The following GRIK2 variants were observed in gnomAD, a reference collection of about 807,000 sequenced individuals.
GRIK2 encodes the protein glutamate ionotropic receptor kainate type subunit 2.
In GRIK2, 32 loss-of-function variants were observed where a neutral mutation model predicts 100.3. The ratio of observed to expected loss-of-function variants is 0.32; its 90% CI spans 0.24 to 0.43. The LOEUF (loss-of-function observed/expected upper bound fraction) is 0.43, where lower values mean the gene tolerates loss of function less well. GRIK2 is among the 20% of genes least tolerant of loss of function. The pLI is 1.00. For missense variants in GRIK2, 843 were observed against 1,114.9 expected, an observed-to-expected ratio of 0.76 and a Z score of 3.47; for synonymous variants, 417 against 389.4, an observed-to-expected ratio of 1.07 and a Z score of -0.83.
intron 14 of GRIK2, among the ~76,000 whole-genome samples, chr6:101,954,593 C>T (rs1025100923): frequency 3.3e-5 from 5 of 151,938 alleles, no homozygotes; most frequent in African/African-American, 9.7e-5. Context: ...TCTATTAATT[C>T]TCAAAGTGTT....
rs941533473 is a variant in GRIK2, at chr6:102,068,943, TAC to T, written c.*434_*435del. 6 of 160,326 alleles carry T rather than the reference TAC, an allele frequency of 3.7e-5. No homozygotes were observed. The highest frequency in any genetic ancestry group is 1.2e-4 in the African/African-American group (5 of 41,610). 9.9% of individuals were successfully genotyped at this position (160,326 alleles called of 1,614,324 possible). Reference sequence around the variant, plus strand: ...AAAACTGTAGTGTTACAGGAAACAGTACAGTCTTCTGAACACCCAGATCATAG... The same window carrying T: ...AAAACTGTAGTGTTACAGGAAACAGTAGTCTTCTGAACACCCAGATCATAG... On this transcript the variant is annotated 3_prime_UTR_variant, in exon 17 of 17. Coordinates refer to ENST00000369134, the MANE Select transcript of GRIK2 (RefSeq NM_021956.5).
intron 16 of GRIK2, among the ~76,000 whole-genome samples, chr6:102,059,721 C>T (rs1771651302): frequency 6.6e-6 from 1 of 150,672 alleles, no homozygotes; most frequent in South Asian, 2.1e-4. Flanking sequence ...TAAATATTTG[C>T]ATATGTCTAC....
chr6:101,969,181 GGT>G (rs1021420140), intron 14 of GRIK2, among the ~76,000 whole-genome samples: 2 of 151,842 alleles, frequency 1.3e-5, no homozygotes, highest in African/African-American at 4.8e-5. Context: ...AGAGGAGTTG[GGT>G]TGTGTATTTT....
intron 2 of GRIK2, among the ~76,000 whole-genome samples, chr6:101,612,385 CAAAT>C (rs538638885): frequency 1.8e-4 from 28 of 151,868 alleles, no homozygotes; most frequent in Admixed American, 5.3e-4. Flanking sequence ...AAACGTGAGT[CAAAT>C]AAACTTTTTG....
chr6:101,952,408 G>T (rs1562507441), intron 14 of GRIK2, among the ~76,000 whole-genome samples: 1 of 152,108 alleles, frequency 6.6e-6, no homozygotes, highest in Non-Finnish European at 1.5e-5. Context: ...GGTTTTGTGT[G>T]AACATTAGCT....
chr6:101,515,694 G>T (rs1391985671), intron 2 of GRIK2, among the ~76,000 whole-genome samples: 1 of 151,992 alleles, frequency 6.6e-6, no homozygotes, highest in African/African-American at 2.4e-5. Context: ...TCATATGTTT[G>T]TTGGCCATTT....
At chr6:101,766,428 A>C (rs1373636874) in intron 7 of GRIK2, among the ~76,000 whole-genome samples, 1 of 152,168 alleles carries the variant, frequency 6.6e-6, no homozygotes, top group African/African-American at 2.4e-5. Flanking sequence ...GCATTAAAGT[A>C]ATGTTTGATA....
chr6:101,598,162 T>C (rs1426242526), intron 2 of GRIK2, among the ~76,000 whole-genome samples: 1 of 151,740 alleles, frequency 6.6e-6, no homozygotes, highest in Non-Finnish European at 1.5e-5. Flanking sequence ...TCCTTCTGCA[T>C]TTTCACTTGT....
intron 10 of GRIK2, among the ~76,000 whole-genome samples, chr6:101,855,424 G>C (rs187796525): frequency 1.2e-3 from 185 of 152,284 alleles, no homozygotes; most frequent in African/African-American, 4.3e-3. Context: ...AGAGGAAAGA[G>C]GTAACATATA....
At chr6:101,743,414 A>G (rs1562350588) in intron 7 of GRIK2, among the ~76,000 whole-genome samples, 1 of 152,232 alleles carries the variant, frequency 6.6e-6, no homozygotes, top group Non-Finnish European at 1.5e-5. Context: ...CCTTGTTTTA[A>G]GCAGGGTTTA....
chr6:101,989,252 G>A (rs1794224280), intron 14 of GRIK2, among the ~76,000 whole-genome samples: 2 of 150,986 alleles, frequency 1.3e-5, no homozygotes, highest in Admixed American at 6.6e-5. Flanking sequence ...GTTTTAAAAT[G>A]TTCCTTTATA....
chr6:101,684,444 G>T (rs1243587114), intron 6 of GRIK2, among the ~76,000 whole-genome samples: 1 of 152,070 alleles, frequency 6.6e-6, no homozygotes, highest in Non-Finnish European at 1.5e-5. Context: ...AACTGATGTG[G>T]ATCAGTCTCC....
chr6:101,936,254 G>T (rs1242543442), intron 14 of GRIK2, among the ~76,000 whole-genome samples: 6 of 151,818 alleles, frequency 4.0e-5, no homozygotes, highest in Non-Finnish European at 7.4e-5. Context: ...AAGAAATATC[G>T]CAGTAAAGAT....
intron 2 of GRIK2, among the ~76,000 whole-genome samples, chr6:101,515,810 A>T (rs935215662): frequency 6.6e-6 from 1 of 152,114 alleles, no homozygotes; most frequent in East Asian, 1.9e-4. Flanking sequence ...TAGATTATGG[A>T]TATTAGTCCT....
intron 10 of GRIK2, among the ~76,000 whole-genome samples, chr6:101,854,391 C>T (rs34411658): frequency 0.08 from 12,171 of 152,154 alleles, 666 homozygotes; most frequent in Non-Finnish European, 0.12. Context: ...TCCCAAGTAG[C>T]TGGGACTACA....
chr6:101,998,507 C>T (rs951779871), intron 14 of GRIK2, among the ~76,000 whole-genome samples: 3 of 151,872 alleles, frequency 2.0e-5, no homozygotes, highest in South Asian at 2.1e-4. Context: ...TTTGCTGTTT[C>T]GGATTGTGTT....
rs750415611 is a variant in GRIK2, at chr6:101,928,411, T to C, written c.1868-4T>C. The C allele has an allele frequency of 6.7e-7, 1 of 1,500,256 alleles. No individual in the cohort carries two copies. Among genetic ancestry groups the C allele is most frequent in the Non-Finnish European group, 9.3e-7 (1 of 1,076,250 alleles). 92.9% of individuals were successfully genotyped at this position (1,500,256 alleles called of 1,614,324 possible). Reference sequence around the variant, plus strand: ...CGTTTCACCTTTCCCCCACTCTCTGTTAGGTTCTGAGCTCATGCCCAAAGC... The same window carrying C: ...CGTTTCACCTTTCCCCCACTCTCTGCTAGGTTCTGAGCTCATGCCCAAAGC... On this transcript the variant is annotated splice_region_variant and splice_polypyrimidine_tract_variant and intron_variant, in intron 13 of 16. Transcript: ENST00000369134.
chr6:101,890,637 T>TA (rs987992990), intron 12 of GRIK2, among the ~76,000 whole-genome samples: 5 of 152,158 alleles, frequency 3.3e-5, no homozygotes, highest in Non-Finnish European at 7.4e-5. Context: ...TAGTGGCCTT[T>TA]AAAATCTGTG....
At chr6:101,905,671 T>G (rs934661810) in intron 12 of GRIK2, among the ~76,000 whole-genome samples, 4 of 150,584 alleles carry the variant, frequency 2.7e-5, no homozygotes, top group African/African-American at 9.8e-5. Flanking sequence ...TAAAATTTAT[T>G]ACTACTACAT....
Sources: gnomAD v4.1 joint callset for allele counts (sites outside exome capture counted in the v4.1 genomes callset) on GRCh38, gnomAD v4.1.1 for gene constraint, MANE v1.5 for transcripts, NCBI Gene and HGNC (gene_info 2026-07-23, HGNC 2026-07-21) for gene names.